The following C16orf74 variants were observed in gnomAD, a reference collection of about 807,000 sequenced individuals.
C16orf74 encodes the protein uncharacterized protein C16orf74.
Under a neutral mutation model 6.5 loss-of-function variants are expected in C16orf74, and 10 were observed. The observed-to-expected ratio is 1.54, with a 90% CI of 0.95 to 2.61. The LOEUF is 2.61. C16orf74 is among the 30% of genes most tolerant of loss of function. C16orf74 has a pLI of 0.00. For synonymous variants in C16orf74, 60 were observed against 42.5 expected (o/e 1.41, Z -1.60); for missense variants, 141 against 105.9 (o/e 1.33, Z -1.45).
chr16:85,738,042 G>A (rs2054263506), intron 1 of C16orf74, among the ~76,000 whole-genome samples: 1 of 148,670 alleles, frequency 6.7e-6, no homozygotes, highest in South Asian at 2.1e-4. Flanking sequence ...CTTCCAGTGT[G>A]GCCCAGGGAA....
At chr16:85,746,347 TCAAA>T (rs762118319) in intron 1 of C16orf74, among the ~76,000 whole-genome samples, 28 of 152,228 alleles carry the variant, frequency 1.8e-4, no homozygotes, top group Non-Finnish European at 3.4e-4. Context: ...GAGACTCGCC[TCAAA>T]CAAACAAACA....
At chr16:85,749,740 T>C (rs1300697740) in intron 1 of C16orf74, among the ~76,000 whole-genome samples, 1 of 152,238 alleles carries the variant, frequency 6.6e-6, no homozygotes, top group Non-Finnish European at 1.5e-5. Flanking sequence ...CACGCTCCCA[T>C]TTCAAGTCTC....
chr16:85,732,001 T>C lies in C16orf74; in HGVS notation c.28+3189A>G, dbSNP rs543944073. 1.1e-4 allele frequency among the ~76,000 whole-genome samples: 16 copies of C among 152,306 alleles called. No homozygotes were observed. In the East Asian group the frequency reaches 2.1e-3, roughly 20 times the overall value. On this transcript the variant is annotated intron_variant, in intron 2 of 3. Transcript: ENST00000284245. ...CCACCGTGCAGCCCCGCAGATGTAATTGAGTTAAGGATCTTGGGATGACAT... is the reference window on the plus strand; with the variant it reads ...CCACCGTGCAGCCCCGCAGATGTAACTGAGTTAAGGATCTTGGGATGACAT...
chr16:85,738,111 G>A (rs2054264297), intron 1 of C16orf74, among the ~76,000 whole-genome samples: 2 of 151,934 alleles, frequency 1.3e-5, no homozygotes, highest in South Asian at 4.2e-4. Flanking sequence ...CAAGTGTGGT[G>A]GCCTGTGCCT....
At chr16:85,718,885 T>A (rs2054051045) in intron 2 of C16orf74, among the ~76,000 whole-genome samples, 1 of 152,118 alleles carries the variant, frequency 6.6e-6, no homozygotes, top group African/African-American at 2.4e-5. Context: ...CGGCTACTGT[T>A]CCAGCCCCGA....
At chr16:85,716,812 G>A (rs1341705065) in intron 2 of C16orf74, among the ~76,000 whole-genome samples, 1 of 151,892 alleles carries the variant, frequency 6.6e-6, no homozygotes, top group Non-Finnish European at 1.5e-5. Flanking sequence ...AGGAGGGAAA[G>A]CTCTCAGGAG....
chr16:85,713,048 C>A (rs1228900123), intron 2 of C16orf74, among the ~76,000 whole-genome samples: 2 of 152,198 alleles, frequency 1.3e-5, no homozygotes, highest in Non-Finnish European at 2.9e-5. Flanking sequence ...GCGGCTGGAA[C>A]AATGGACATT....
chr16:85,740,534 C>T (rs544336294), intron 1 of C16orf74, among the ~76,000 whole-genome samples: 1 of 152,054 alleles, frequency 6.6e-6, no homozygotes, highest in African/African-American at 2.4e-5. Context: ...AACCCCGTCT[C>T]TACTAAAAAT....
At chr16:85,740,824 C>T (rs558285392) in intron 1 of C16orf74, among the ~76,000 whole-genome samples, 340 of 4,856 alleles carry the variant, frequency 0.07, 6 homozygotes, top group African/African-American at 0.08. Context: ...AGAGTGAGAC[C>T]CTCAAAAAAA....
chr16:85,711,461 A>C (rs1417275391), intron 2 of C16orf74, among the ~76,000 whole-genome samples: 1 of 16,880 alleles, frequency 5.9e-5, no homozygotes, highest in Non-Finnish European at 1.3e-4. Context: ...CTGAAAATAC[A>C]AAAAAAAAAA....
At chr16:85,708,702 G>A (rs563280769) in intron 3 of C16orf74, among the ~76,000 whole-genome samples, 16 of 152,328 alleles carry the variant, frequency 1.1e-4, no homozygotes, top group African/African-American at 3.6e-4. Context: ...CACCCACCAT[G>A]GCTCCACCCA....
intron 1 of C16orf74, among the ~76,000 whole-genome samples, chr16:85,740,820 A>C (rs2054297805): frequency 1.6e-5 from 1 of 64,436 alleles, no homozygotes. Context: ...CAAGAGAGTG[A>C]GACCCTCAAA....
At chr16:85,747,491 G>A (rs2054387147) in intron 1 of C16orf74, among the ~76,000 whole-genome samples, 1 of 151,900 alleles carries the variant, frequency 6.6e-6, no homozygotes, top group African/African-American at 2.4e-5. Context: ...TCAGGTTAAC[G>A]GCTACCCATA....
At position 85,738,429 on chromosome 16, in the gene C16orf74, A is replaced by G. The variant is rs555285623; in HGVS notation, c.-18-3194T>C. Among the ~76,000 whole-genome samples the G allele has an allele frequency of 2.2e-3, 326 of 148,336 alleles. 1 individual carries two copies. The highest frequency in any genetic ancestry group is 7.9e-3 in the African/African-American group (315 of 40,078). ...AACCTCCACTTCCCAGGTTCAAGTG[A>G]TTCTCCTGCCTCAGCCTCCCGAGTA... is the stretch of plus-strand genomic sequence containing the variant. On this transcript the variant is annotated intron_variant, in intron 1 of 3. Transcript: ENST00000284245.
At chr16:85,711,775 C>A (rs1038450330) in intron 2 of C16orf74, among the ~76,000 whole-genome samples, 1 of 152,140 alleles carries the variant, frequency 6.6e-6, no homozygotes, top group African/African-American at 2.4e-5. Context: ...AGTATCAGAG[C>A]CCCTGACCAA....
intron 2 of C16orf74, among the ~76,000 whole-genome samples, chr16:85,723,709 G>A (rs142669052): frequency 1.1e-3 from 165 of 152,368 alleles, no homozygotes; most frequent in Non-Finnish European, 2.0e-3. Flanking sequence ...AAGGCAGGCC[G>A]GATTTGGGTT....
intron 2 of C16orf74, among the ~76,000 whole-genome samples, chr16:85,729,630 G>A (rs1476519171): frequency 6.6e-6 from 1 of 152,244 alleles, no homozygotes; most frequent in South Asian, 2.1e-4. Flanking sequence ...CTTTGCCGAT[G>A]TAATTAGTTA....
chr16:85,736,010 G>A (rs1172613807), intron 1 of C16orf74, among the ~76,000 whole-genome samples: 1 of 152,148 alleles, frequency 6.6e-6, no homozygotes, highest in Non-Finnish European at 1.5e-5. Flanking sequence ...AGGGACTGTG[G>A]AGCTGAGACT....
At chr16:85,745,572 T>G (rs1360663546) in intron 1 of C16orf74, among the ~76,000 whole-genome samples, 1 of 150,692 alleles carries the variant, frequency 6.6e-6, no homozygotes, top group South Asian at 2.1e-4. Context: ...ACCCTGCTTT[T>G]CAAAGACAGA....
Sources: allele counts gnomAD v4.1 joint callset (sites outside exome capture counted in the v4.1 genomes callset), GRCh38; gene constraint gnomAD v4.1.1; transcripts MANE v1.5; gene names NCBI Gene and HGNC (gene_info 2026-07-23, HGNC 2026-07-21).